The following ROBO1 variants were observed in gnomAD, a reference collection of about 807,000 sequenced individuals.
The protein encoded by ROBO1 is roundabout homolog 1.
ROBO1 carries 149 observed loss-of-function variants against 195.9 expected under a neutral mutation model. The ratio of observed to expected loss-of-function variants is 0.76; its 90% CI spans 0.67 to 0.87. ROBO1 has a LOEUF of 0.87. ROBO1 is among the 40% of genes least tolerant of loss of function. The pLI, the probability that ROBO1 is intolerant of heterozygous loss-of-function variation, is 0.00. For synonymous variants in ROBO1, 816 were observed against 733.2 expected, an observed-to-expected ratio of 1.11 and a Z score of -1.82; for missense variants, 1,933 against 2,068.3, an observed-to-expected ratio of 0.93 and a Z score of 1.27.
At chr3:78,693,050 T>C (rs2081210262) in intron 8 of ROBO1, 1 of 328,122 alleles carries the variant, frequency 3.0e-6, no homozygotes, top group African/African-American at 2.1e-5. Flanking sequence ...GAACAGTACT[T>C]AACCAAGATG....
At chr3:78,807,217 G>A (rs539305796) in intron 4 of ROBO1, among the ~76,000 whole-genome samples, 6 of 152,246 alleles carry the variant, frequency 3.9e-5, no homozygotes, top group African/African-American at 1.4e-4. Context: ...ATTCTGTAAT[G>A]CAAAAGAACA....
At chr3:79,049,614 A>G (rs1165335871) in intron 3 of ROBO1, among the ~76,000 whole-genome samples, 1 of 152,164 alleles carries the variant, frequency 6.6e-6, no homozygotes, top group Non-Finnish European at 1.5e-5. Context: ...ACCAAGGTTG[A>G]CATGAAAGAA....
chr3:79,072,400 T>A (rs2079104716), intron 3 of ROBO1, among the ~76,000 whole-genome samples: 1 of 151,910 alleles, frequency 6.6e-6, no homozygotes, highest in Non-Finnish European at 1.5e-5. Context: ...TATATTACTT[T>A]GGGAGGGTGG....
intron 2 of ROBO1, among the ~76,000 whole-genome samples, chr3:79,237,599 C>T (rs866150124): frequency 6.6e-6 from 1 of 151,968 alleles, no homozygotes; most frequent in South Asian, 2.1e-4. Flanking sequence ...TGAGAATGAC[C>T]TGTGGTTTCA....
At chr3:79,483,767 G>T (rs2107399530) in intron 2 of ROBO1, among the ~76,000 whole-genome samples, 1 of 152,258 alleles carries the variant, frequency 6.6e-6, no homozygotes. Context: ...TGGAAGCATT[G>T]CTAAGATGAG....
intron 1 of ROBO1, among the ~76,000 whole-genome samples, chr3:79,669,599 T>C (rs1409072306): frequency 6.6e-6 from 1 of 151,908 alleles, no homozygotes; most frequent in Non-Finnish European, 1.5e-5. Flanking sequence ...GACTTTACTA[T>C]CTACGTTTGT....
intron 2 of ROBO1, among the ~76,000 whole-genome samples, chr3:79,526,964 C>T (rs990696928): frequency 2.6e-5 from 4 of 152,094 alleles, no homozygotes; most frequent in African/African-American, 9.7e-5. Context: ...TAGGGTTTAT[C>T]ACTATTCCTA....
At chr3:79,274,310 C>A (rs1423164474) in intron 2 of ROBO1, among the ~76,000 whole-genome samples, 2 of 151,622 alleles carry the variant, frequency 1.3e-5, no homozygotes, top group South Asian at 2.1e-4. Context: ...CTTCTCTGAC[C>A]ACAATGGAAT....
intron 4 of ROBO1, among the ~76,000 whole-genome samples, chr3:78,934,802 C>T (rs2039712097): frequency 6.6e-6 from 1 of 152,026 alleles, no homozygotes; most frequent in Non-Finnish European, 1.5e-5. Context: ...TAGACACACA[C>T]ACACACCAAT....
chr3:79,595,743 G>A (rs994725279), intron 1 of ROBO1, among the ~76,000 whole-genome samples: 13 of 141,862 alleles, frequency 9.2e-5, no homozygotes, highest in African/African-American at 3.2e-4. Flanking sequence ...TTTTTTTGTC[G>A]ATATAGAGCC....
intron 2 of ROBO1, among the ~76,000 whole-genome samples, chr3:79,148,171 A>C (rs1321369061): frequency 6.6e-6 from 1 of 151,856 alleles, no homozygotes; most frequent in Non-Finnish European, 1.5e-5. Flanking sequence ...CTAGAAGGCT[A>C]TCTGTCTTTA....
At chr3:79,149,932 C>A (rs907093936) in intron 2 of ROBO1, among the ~76,000 whole-genome samples, 1 of 151,688 alleles carries the variant, frequency 6.6e-6, no homozygotes, top group Admixed American at 6.6e-5. Flanking sequence ...TTTCTCTTCC[C>A]CTTGTCAGAA....
rs372902093 is a variant in ROBO1 at position 78,669,184 on chromosome 3, T to A, written c.1549-619A>T. Among the ~76,000 whole-genome samples the A allele has an allele frequency of 3.3e-5, 5 of 152,216 alleles. No individual in the cohort carries two copies. The East Asian group carries it at 7.7e-4, about 24-fold the overall frequency. ...CAGAAGGCAAACATAGGTTACATGT[T>A]CAACTTTGAAATCAGCAGCAGGATA... On this transcript the variant is annotated intron_variant, in intron 11 of 30. Transcript: ENST00000464233.
chr3:79,069,829 A>G (rs1407066896), intron 3 of ROBO1, among the ~76,000 whole-genome samples: 1 of 151,964 alleles, frequency 6.6e-6, no homozygotes, highest in East Asian at 1.9e-4. Flanking sequence ...GTATATGAGA[A>G]CAATTCCCAG....
At chr3:79,665,867 A>G (rs1041365045) in intron 1 of ROBO1, among the ~76,000 whole-genome samples, 6 of 151,944 alleles carry the variant, frequency 3.9e-5, no homozygotes, top group African/African-American at 1.4e-4. Flanking sequence ...TTCACAACTC[A>G]GAGGAGTAGG....
rs146574825 is a variant in ROBO1 at position 78,878,980 on chromosome 3, C to T, written c.499+59621G>A. On this transcript the variant is annotated intron_variant, in intron 4 of 30. Transcript: ENST00000464233. The stretch of plus-strand genomic sequence containing the variant: ...TTTTGTGTCAATATTATCCTTTCAA[C>T]GTGGGGAAAAATTAGTCACTGTATT... Among the ~76,000 whole-genome samples, 285 of 152,214 alleles carry T rather than the reference C, an allele frequency of 1.9e-3. 2 individuals carry two copies. The highest frequency in any genetic ancestry group is 5.4e-3 in the African/African-American group (226 of 41,540).
intron 4 of ROBO1, among the ~76,000 whole-genome samples, chr3:78,877,229 T>C (rs1038719555): frequency 1.3e-5 from 2 of 152,052 alleles, no homozygotes; most frequent in Admixed American, 1.3e-4. Flanking sequence ...GTATAATAAA[T>C]GAAAAAGAAC....
At chr3:78,882,660 A>C (rs907701255) in intron 4 of ROBO1, among the ~76,000 whole-genome samples, 2 of 151,926 alleles carry the variant, frequency 1.3e-5, no homozygotes, top group African/African-American at 4.8e-5. Flanking sequence ...CTCAATTCCT[A>C]TCTCTCCATC....
chr3:79,643,789 C>A (rs1945736817), intron 1 of ROBO1, among the ~76,000 whole-genome samples: 1 of 151,798 alleles, frequency 6.6e-6, no homozygotes. Flanking sequence ...CACTAAGCCA[C>A]AAAGAAAGAC....
Sources: allele counts gnomAD v4.1 joint callset (sites outside exome capture counted in the v4.1 genomes callset), GRCh38; gene constraint gnomAD v4.1.1; transcripts MANE v1.5; gene names NCBI Gene and HGNC (gene_info 2026-07-23, HGNC 2026-07-21).